The following VIRMA variants were observed in gnomAD, a reference collection of about 807,000 sequenced individuals.
VIRMA encodes protein virilizer homolog.
A neutral mutation model predicts 182.4 loss-of-function variants in VIRMA; 65 were observed. The observed-to-expected ratio is 0.36, with a 90% CI of 0.29 to 0.44. The LOEUF is 0.44. Ranked by LOEUF, VIRMA falls within the 20% of genes least tolerant of loss-of-function variation. VIRMA has a pLI of 1.00. For synonymous variants in VIRMA, 709 were observed against 743.1 expected (o/e 0.95, Z 0.75); for missense variants, 1,752 against 2,158.1 (o/e 0.81, Z 3.73).
At chr8:94,501,786 G>A (rs899160523) in intron 16 of VIRMA, among the ~76,000 whole-genome samples, 3 of 151,848 alleles carry the variant, frequency 2.0e-5, no homozygotes, top group South Asian at 2.1e-4. Flanking sequence ...CTGAAACCCC[G>A]GCTCTACAAA....
At chr8:94,491,544 C>T (rs1418368533) in intron 22 of VIRMA, 34 bp downstream of exon 22, 3 of 1,518,794 alleles carry the variant, frequency 2.0e-6, no homozygotes, top group Non-Finnish European at 2.7e-6. Context: ...TTCCAATATT[C>T]TAACCCATTA....
intron 8 of VIRMA, among the ~76,000 whole-genome samples, chr8:94,525,568 C>T (rs137874154): frequency 3.9e-5 from 6 of 152,218 alleles, no homozygotes; most frequent in African/African-American, 1.4e-4. Context: ...ATGCTCCATC[C>T]AAATCAATGA....
chr8:94,511,055 C>A lies in VIRMA; in HGVS notation c.3390+130G>T, dbSNP rs1814354412. 6.2e-6 allele frequency: 9 copies of A among 1,441,314 alleles called. 1 individual carries two copies. 89.3% of individuals were successfully genotyped at this position (1,441,314 alleles called of 1,614,324 possible). ...CAACTTGTTTCAGTTTTATCTCCCC[C>A]TCATCCGGTTATTTTATGTCTTTTT... On this transcript the variant is annotated intron_variant, in intron 13 of 23. Transcript: ENST00000297591.
At position 94,510,589 on chromosome 8, in the gene VIRMA, G is replaced by T; in HGVS notation, c.3454C>A (p.His1152Asn). The change falls in exon 14 of 24, where the codon CAT becomes AAT. Residue 1152 changes from histidine to asparagine, a missense_variant. Around this residue, in one of 11 missense-constraint regions of VIRMA, gnomAD observed 777 missense variants for 920.6 expected, o/e 0.84. Coordinates refer to ENST00000297591, the MANE Select transcript of VIRMA (RefSeq NM_015496.5). ...TCTTGGAGCAACTTTGCTTGAACATGAAGGTGCATGCTCCACAATTTTCGG... is the reference window on the plus strand; with the variant it reads ...TCTTGGAGCAACTTTGCTTGAACATTAAGGTGCATGCTCCACAATTTTCGG... ...NTRKLWSMHLHVQAKLLQEIV... is the reference protein window; with the variant it reads ...NTRKLWSMHLNVQAKLLQEIV... 1 of 1,614,150 alleles carries T rather than the reference G, an allele frequency of 6.2e-7. No individual in the cohort carries two copies. Among genetic ancestry groups the T allele is most frequent in the African/African-American group, 1.3e-5 (1 of 75,058 alleles).
intron 19 of VIRMA, 51 bp from the exon 20 acceptor site, chr8:94,495,007 C>CA (rs1418322333): frequency 1.5e-6 from 2 of 1,299,024 alleles, no homozygotes; most frequent in Non-Finnish European, 2.2e-6. Flanking sequence ...AATCAAATTT[C>CA]AATTTTTTTT....
chr8:94,524,233 A>G (rs995015207), intron 8 of VIRMA, among the ~76,000 whole-genome samples: 1 of 152,046 alleles, frequency 6.6e-6, no homozygotes, highest in Non-Finnish European at 1.5e-5. Context: ...TCTCGACCTC[A>G]GGTGAACCAC....
chr8:94,515,749 TTAAA>T (rs1206888436), intron 10 of VIRMA, among the ~76,000 whole-genome samples: 1 of 152,174 alleles, frequency 6.6e-6, no homozygotes, highest in Non-Finnish European at 1.5e-5. Context: ...GTTTACATGC[TTAAA>T]TAGTCTATAT....
At chr8:94,524,260 A>G (rs1698734665) in intron 8 of VIRMA, among the ~76,000 whole-genome samples, 1 of 151,578 alleles carries the variant, frequency 6.6e-6, no homozygotes, top group Non-Finnish European at 1.5e-5. Flanking sequence ...TGGCGTCCCA[A>G]AGTGCTGGGA....
chr8:94,530,969 G>C lies in VIRMA; in HGVS notation c.601C>G (p.Leu201Val). 6.2e-7 allele frequency: 1 copy of C among 1,601,580 alleles called. No individual in the cohort carries two copies. Among genetic ancestry groups the C allele is most frequent in the Non-Finnish European group, 8.5e-7 (1 of 1,175,082 alleles). The change falls in exon 6 of 24, where the codon CTG (leucine) becomes GTG (valine). Residue 201 changes from leucine to valine, a missense_variant. Transcript: ENST00000297591. ...PDDDEDDPVP[L>V]PVSGDKEEDA... ...GCACTGGTTTTATTTATACCTGGCA[G>C]AGGCACAGGATCATCTTCATCATCA...
chr8:94,506,981 T>A (rs1273642897), intron 15 of VIRMA, among the ~76,000 whole-genome samples: 4 of 152,020 alleles, frequency 2.6e-5, no homozygotes, highest in Admixed American at 1.3e-4. Flanking sequence ...ATCTTTCAAA[T>A]TTTTTTTCTT....
At position 94,553,381 on chromosome 8, in the gene VIRMA, T is replaced by G; in HGVS notation, c.63+4A>C. On this transcript the variant is annotated splice_donor_region_variant and intron_variant, in intron 1 of 23. Coordinates refer to ENST00000297591, the MANE Select transcript of VIRMA (RefSeq NM_015496.5). ...AGCGTCAGAATCAAGTCGCCAAGCC[T>G]TACCTCAGCGCTCGGGTGTTTAAAA... is the stretch of plus-strand genomic sequence containing the variant. 5.6e-6 allele frequency: 9 copies of G among 1,613,984 alleles called. No homozygotes were observed. Among genetic ancestry groups the G allele is most frequent in the Non-Finnish European group, 7.6e-6 (9 of 1,179,850 alleles).
At chr8:94,536,935 C>T (rs112796987) in intron 4 of VIRMA, among the ~76,000 whole-genome samples, 168 bp downstream of exon 4, 6,068 of 151,978 alleles carry the variant, frequency 0.04, 132 homozygotes, top group Non-Finnish European at 0.05. Context: ...GCCAAGATTG[C>T]GCCACTGCAC....
At chr8:94,541,716 G>A (rs1338188236) in intron 2 of VIRMA, among the ~76,000 whole-genome samples, 1 of 151,886 alleles carries the variant, frequency 6.6e-6, no homozygotes, top group Admixed American at 6.6e-5. Context: ...TAATTTTTGT[G>A]TTTTTAATAG....
intron 20 of VIRMA, among the ~76,000 whole-genome samples, chr8:94,494,198 T>C (rs1479711732): frequency 2.6e-5 from 4 of 152,236 alleles, no homozygotes; most frequent in Non-Finnish European, 5.9e-5. Flanking sequence ...CTCACGCCTG[T>C]AATCCCATCG....
intron 11 of VIRMA, among the ~76,000 whole-genome samples, chr8:94,512,800 C>T (rs1024243445): frequency 6.6e-6 from 1 of 151,866 alleles, no homozygotes; most frequent in Non-Finnish European, 1.5e-5. Context: ...ATAAAAAGCG[C>T]TTTGAGTACT....
intron 1 of VIRMA, chr8:94,546,899 C>A (rs1563483874): frequency 2.2e-6 from 1 of 455,698 alleles, no homozygotes; most frequent in Non-Finnish European, 4.4e-6. Context: ...ATAAACAAGA[C>A]TGGCTTCTTT....
chr8:94,550,542 T>G (rs1238794917), intron 1 of VIRMA, among the ~76,000 whole-genome samples: 4 of 152,170 alleles, frequency 2.6e-5, no homozygotes, highest in African/African-American at 9.7e-5. Flanking sequence ...TCCGCTTGCC[T>G]CGGCCTCCCA....
At position 94,511,589 on chromosome 8, in the gene VIRMA, T is replaced by C. The variant is rs1407476656; in HGVS notation, c.2986A>G (p.Thr996Ala). Reference sequence around the variant, plus strand: ...GAAATAGTAGTAACTCTGTGAAGGGTAGTCCCCATGTTGACATGGAGCCTC... The same window carrying C: ...GAAATAGTAGTAACTCTGTGAAGGGCAGTCCCCATGTTGACATGGAGCCTC... ...PWRLHVNMGT[T>A]LHRVTTISMA... Residue 996 changes from threonine (T) to alanine (A), a missense_variant, in exon 13 of 24, where the codon ACC (threonine) becomes GCC (alanine). Transcript: ENST00000297591. 6.2e-7 allele frequency: 1 copy of C among 1,614,150 alleles called. No individual in the cohort carries two copies. Among genetic ancestry groups the C allele is most frequent in the Non-Finnish European group, 8.5e-7 (1 of 1,180,012 alleles).
chr8:94,515,088 G>T, intron 10 of VIRMA, 137 bp from the exon 11 acceptor site: 2 of 452,288 alleles, frequency 4.4e-6, no homozygotes, highest in Non-Finnish European at 3.9e-6. Flanking sequence ...GGATGGACAT[G>T]CATCTAATTC....
Sources: gnomAD v4.1 joint callset for allele counts (sites outside exome capture counted in the v4.1 genomes callset) on GRCh38, gnomAD v4.1.1 for gene constraint, gnomAD v4.1.1 regional missense constraint, MANE v1.5 for transcripts, NCBI Gene and HGNC (gene_info 2026-07-23, HGNC 2026-07-21) for gene names.